LMO7: variants seen among roughly 807,000 people sequenced by gnomAD.
The protein encoded by LMO7 is LIM domain only protein 7.
A neutral mutation model predicts 206.5 loss-of-function variants in LMO7; 120 were observed. That is an observed-to-expected ratio of 0.58 (90% CI 0.50 to 0.68). The LOEUF is 0.68. LMO7 is among the 30% of genes least tolerant of loss of function. LMO7 has a pLI of 0.00. For missense variants in LMO7, 1,959 were observed against 1,957.9 expected (o/e 1.00, Z -0.01); for synonymous variants, 706 against 681.5 (o/e 1.04, Z -0.56).
chr13:75,759,757 T>G (rs1315956322), intron 3 of LMO7, among the ~76,000 whole-genome samples: 1 of 152,178 alleles, frequency 6.6e-6, no homozygotes, highest in African/African-American at 2.4e-5. Context: ...TTTCCCGGAA[T>G]CCCCTTACTC....
intron 26 of LMO7, among the ~76,000 whole-genome samples, 159 bp downstream of exon 26, chr13:75,845,538 C>G (rs558870380): frequency 1.8e-4 from 27 of 152,222 alleles, no homozygotes; most frequent in Non-Finnish European, 2.2e-4. Flanking sequence ...AGCAAAACAA[C>G]TATCTTGTGT....
chr13:75,761,448 G>T (rs1037854274), intron 4 of LMO7, among the ~76,000 whole-genome samples: 5 of 152,124 alleles, frequency 3.3e-5, no homozygotes, highest in African/African-American at 1.2e-4. Context: ...ATAAAAATTA[G>T]ATAGGACAGT....
At chr13:75,705,355 G>T (rs1421824416) in intron 1 of LMO7, among the ~76,000 whole-genome samples, 1 of 152,226 alleles carries the variant, frequency 6.6e-6, no homozygotes, top group African/African-American at 2.4e-5. Flanking sequence ...TGTATCATGT[G>T]AGATAGGTCC....
chr13:75,845,016 CTGGACCAGGGTGAACA>C (rs2059876223), intron 25 of LMO7, among the ~76,000 whole-genome samples: 1 of 152,126 alleles, frequency 6.6e-6, no homozygotes. Flanking sequence ...GGACTGAGAT[CTGGACCAGGGTGAACA>C]TCGACAACAA....
intron 1 of LMO7, among the ~76,000 whole-genome samples, chr13:75,675,585 C>A (rs992644372): frequency 6.6e-6 from 1 of 152,098 alleles, no homozygotes; most frequent in East Asian, 1.9e-4. Context: ...AAACTAAGCA[C>A]TCTTTAGGAA....
chr13:75,675,501 T>A (rs2039929294), intron 1 of LMO7, among the ~76,000 whole-genome samples: 1 of 152,268 alleles, frequency 6.6e-6, no homozygotes, highest in South Asian at 2.1e-4. Context: ...TGTAGAAAAT[T>A]GGGCTTCATT....
At chr13:75,632,618 T>C (rs1401081412), upstream of LMO7, among the ~76,000 whole-genome samples, 1 of 152,242 alleles carries the variant, frequency 6.6e-6, no homozygotes, top group Non-Finnish European at 1.5e-5. Context: ...TTGTAAGGCA[T>C]TCAGATCCCC....
chr13:75,830,566 A>G (rs1361649712), intron 15 of LMO7, among the ~76,000 whole-genome samples: 1 of 152,168 alleles, frequency 6.6e-6, no homozygotes. Flanking sequence ...CCCAAGGACT[A>G]ACACAACACT....
At chr13:75,807,459 T>C in intron 9 of LMO7, 21 bp from the exon 10 acceptor site, 1 of 1,606,954 alleles carries the variant, frequency 6.2e-7, no homozygotes. Flanking sequence ...TTCTCTTTCC[T>C]TTTTCCTCTC....
intron 29 of LMO7, 39 bp from the exon 30 acceptor site, chr13:75,856,467 C>T (rs767066163): frequency 3.9e-6 from 5 of 1,288,158 alleles, no homozygotes; most frequent in Non-Finnish European, 5.6e-6. Context: ...CTTTCTTGAG[C>T]TGACTGATTG....
chr13:75,695,744 G>C lies in LMO7; in HGVS notation c.70-17438G>C, dbSNP rs2041849105. ...TAATGTGCAAATTTTGCCATGAAAA[G>C]TCTCAATCTATTTTAATGCTTCAAA... On this transcript the variant is annotated intron_variant, in intron 1 of 30. Transcript: ENST00000377534. 2.0e-5 allele frequency among the ~76,000 whole-genome samples: 3 copies of C among 152,194 alleles called. No individual in the cohort carries two copies. The South Asian group carries it at 6.2e-4, about 31-fold the overall frequency.
intron 2 of LMO7, among the ~76,000 whole-genome samples, chr13:75,719,468 C>T (rs1256877368): frequency 5.3e-5 from 8 of 152,102 alleles, no homozygotes; most frequent in South Asian, 2.1e-4. Context: ...AATTGTAATT[C>T]CCAGTGTTGG....
At chr13:75,835,722 G>C (rs189651228) in intron 18 of LMO7, among the ~76,000 whole-genome samples, 67 of 152,238 alleles carry the variant, frequency 4.4e-4, no homozygotes, top group Admixed American at 9.8e-4. Flanking sequence ...AAAGTTAATA[G>C]TTGGGTGTAA....
rs1024431532 is a variant in LMO7 at position 75,684,450 on chromosome 13, G to T, written c.70-28732G>T. Reference sequence around the variant, plus strand: ...AGTAGAGACGCGGTTTCTCCACGTTGGTCAGGCTTGTCCTGAACTCCTGAC... The same window carrying T: ...AGTAGAGACGCGGTTTCTCCACGTTTGTCAGGCTTGTCCTGAACTCCTGAC... On this transcript the variant is annotated intron_variant, in intron 1 of 30. Coordinates refer to ENST00000377534, the MANE Select transcript of LMO7 (RefSeq NM_001306080.2). Among the ~76,000 whole-genome samples the T allele has an allele frequency of 3.3e-5, 5 of 151,854 alleles. No homozygotes were observed. The South Asian group carries it at 1.0e-3, about 32-fold the overall frequency.
At chr13:75,659,462 G>A (rs927099190) in intron 1 of LMO7, among the ~76,000 whole-genome samples, 6 of 152,220 alleles carry the variant, frequency 3.9e-5, no homozygotes, top group Admixed American at 1.3e-4. Context: ...CATGGCTGGA[G>A]AGGCCTCAGA....
chr13:75,711,229 A>T (rs2043088039), intron 1 of LMO7, among the ~76,000 whole-genome samples: 1 of 152,036 alleles, frequency 6.6e-6, no homozygotes, highest in African/African-American at 2.4e-5. Context: ...TTTTGCATTG[A>T]TGTTCATCAG....
chr13:75,650,325 T>C (rs1437075424), intron 1 of LMO7, among the ~76,000 whole-genome samples: 1 of 151,788 alleles, frequency 6.6e-6, no homozygotes, highest in African/African-American at 2.4e-5. Flanking sequence ...AGACAGGGTT[T>C]CACCATGTTG....
chr13:75,817,264 C>T lies in LMO7; in HGVS notation c.2050C>T (p.Gln684Ter). The T allele has an allele frequency of 6.2e-7, 1 of 1,605,380 alleles. No homozygotes were observed. Among genetic ancestry groups the T allele is most frequent in the Non-Finnish European group, 8.5e-7 (1 of 1,173,006 alleles). The change falls in exon 12 of 31, where the codon CAG becomes TAG. Residue 684 changes from glutamine to a stop codon, truncating the protein, a stop_gained. Coordinates refer to ENST00000377534, the MANE Select transcript of LMO7 (RefSeq NM_001306080.2). LOFTEE classifies it high-confidence loss of function. ...AAAATCACAATTAAAAGAACAAGAT[C>T]AGAAATGGCAGGATGTGAGTATTTT... ...KIKSQLKEQD[Q>*]KWQDDLAKWK...
At position 75,643,242 on chromosome 13, in the gene LMO7, C is replaced by A. The variant is rs545669944; in HGVS notation, c.69+6516C>A. On this transcript the variant is annotated intron_variant, in intron 1 of 30. Coordinates refer to ENST00000377534, the MANE Select transcript of LMO7 (RefSeq NM_001306080.2). Reference sequence around the variant, plus strand: ...TAAACACTCCTTCACCTTCCCTCTTCCTGTTAAGACTGGTTCTCAACATAC... The same window carrying A: ...TAAACACTCCTTCACCTTCCCTCTTACTGTTAAGACTGGTTCTCAACATAC... Among the ~76,000 whole-genome samples, 7 of 152,328 alleles carry A rather than the reference C, an allele frequency of 4.6e-5. No individual in the cohort carries two copies. In the South Asian group the frequency reaches 6.2e-4, roughly 14 times the overall value.
Sources: allele counts gnomAD v4.1 joint callset (sites outside exome capture counted in the v4.1 genomes callset), GRCh38; gene constraint gnomAD v4.1.1; transcripts MANE v1.5; gene names NCBI Gene and HGNC (gene_info 2026-07-23, HGNC 2026-07-21).